VPS53: variants seen among roughly 807,000 people sequenced by gnomAD.
The protein encoded by VPS53 is vacuolar protein sorting-associated protein 53 homolog.
VPS53 carries 70 observed loss-of-function variants against 107.0 expected under a neutral mutation model. That is an observed-to-expected ratio of 0.65 (90% CI 0.54 to 0.80). The LOEUF (loss-of-function observed/expected upper bound fraction) is 0.80, where lower values mean the gene tolerates loss of function less well. Among genes scored for constraint, VPS53 ranks in the 30% least tolerant of loss-of-function variants. The pLI is 0.00. For missense variants in VPS53, 917 were observed against 1,049.4 expected, an observed-to-expected ratio of 0.87 and a Z score of 1.74; for synonymous variants, 409 against 393.3, an observed-to-expected ratio of 1.04 and a Z score of -0.47.
At chr17:604,515 T>G (rs187588688) in intron 11 of VPS53, among the ~76,000 whole-genome samples, 1 of 152,196 alleles carries the variant, frequency 6.6e-6, no homozygotes, top group Non-Finnish European at 1.5e-5. Flanking sequence ...CACAGGCCAC[T>G]CGCTCAGTGT....
intron 7 of VPS53, among the ~76,000 whole-genome samples, chr17:647,725 G>T (rs904860159): frequency 6.6e-6 from 1 of 152,128 alleles, no homozygotes; most frequent in African/African-American, 2.4e-5. Flanking sequence ...TGCCAAGCTC[G>T]GCAAGATGCA....
intron 12 of VPS53, among the ~76,000 whole-genome samples, chr17:590,101 T>C (rs12951560): frequency 0.19 from 28,180 of 152,062 alleles, 2,918 homozygotes; most frequent in Admixed American, 0.3. Flanking sequence ...ACATCCCTTG[T>C]AAGTTGGATT....
intron 10 of VPS53, among the ~76,000 whole-genome samples, chr17:624,054 C>T (rs1969585070): frequency 6.7e-6 from 1 of 150,188 alleles, no homozygotes; most frequent in African/African-American, 2.5e-5. Context: ...GATAGTGTTT[C>T]ACCATGTTGG....
intron 19 of VPS53, among the ~76,000 whole-genome samples, chr17:526,846 T>C (rs1909157697): frequency 6.6e-6 from 1 of 152,128 alleles, no homozygotes; most frequent in South Asian, 2.1e-4. Flanking sequence ...ATGATGACTA[T>C]CAACAGTGAT....
intron 15 of VPS53, among the ~76,000 whole-genome samples, chr17:556,094 C>T (rs9894847): frequency 0.84 from 127,436 of 152,084 alleles, 53,730 homozygotes; most frequent in African/African-American, 0.92. Context: ...CTGAGCAACA[C>T]AGTGAGACCC....
chr17:633,215 G>C (rs1439082891), intron 7 of VPS53, among the ~76,000 whole-genome samples: 2 of 152,104 alleles, frequency 1.3e-5, no homozygotes, highest in African/African-American at 4.8e-5. Context: ...TCCCGCAATC[G>C]ATCACGCCCC....
At position 687,431 on chromosome 17, in the gene VPS53, C is replaced by T. The variant is rs568434240; in HGVS notation, c.285+9987G>A. Among the ~76,000 whole-genome samples the T allele has an allele frequency of 4.2e-4, 64 of 152,190 alleles. 1 individual carries two copies. Among genetic ancestry groups the T allele is most frequent in the Middle Eastern group, 3.4e-3 (1 of 294 alleles). ...TCTCCACTAAAATACAGAAAATTAG[C>T]CGGGCGTGGTGGCACATGCCTGTAG... On this transcript the variant is annotated intron_variant, in intron 4 of 21. Transcript: ENST00000437048.
At chr17:535,297 G>C (rs866917068) in intron 18 of VPS53, among the ~76,000 whole-genome samples, 2 of 152,240 alleles carry the variant, frequency 1.3e-5, no homozygotes, top group African/African-American at 4.8e-5. Flanking sequence ...GAGAATGTGA[G>C]GCTGATGCTG....
chr17:634,914 A>C (rs199818294), intron 7 of VPS53, among the ~76,000 whole-genome samples: 49,913 of 147,892 alleles, frequency 0.34, 10,175 homozygotes, highest in Non-Finnish European at 0.46. Flanking sequence ...TATACCCAGT[A>C]ATGGGGTGGC....
chr17:654,428 C>T (rs1971089371), intron 6 of VPS53, among the ~76,000 whole-genome samples: 1 of 151,926 alleles, frequency 6.6e-6, no homozygotes, highest in Non-Finnish European at 1.5e-5. Context: ...TTATGATTTT[C>T]CATAAGAAGC....
Position 521,590 on chromosome 17 carries a change from C to T in VPS53, c.2223+11G>A, listed in dbSNP as rs978550979. 1 of 1,518,736 alleles carries T rather than the reference C, an allele frequency of 6.6e-7. No individual in the cohort carries two copies. The highest frequency in any genetic ancestry group is 2.5e-5 in the East Asian group (1 of 40,012). 94.1% of individuals were successfully genotyped at this position (1,518,736 alleles called of 1,614,324 possible). A position where few individuals can be genotyped will look rare whatever the true frequency, so the allele number is the denominator to read the frequency against. The stretch of plus-strand genomic sequence containing the variant: ...AATAAATAACTGGCCCCTTTTAACA[C>T]AAGCCATCACCTTGAGGATCATCTC... On this transcript the variant is annotated intron_variant, in intron 20 of 21. Coordinates refer to ENST00000437048, the MANE Select transcript of VPS53 (RefSeq NM_001128159.3).
Position 529,212 on chromosome 17 carries a change from A to T in VPS53, c.2085+3630T>A, listed in dbSNP as rs553113317. ...TGTGTGGGTCTATCCCTCAGCTCAG[A>T]TCTGTTCTGTTGGCCTCTTTGTCCC... On this transcript the variant is annotated intron_variant, in intron 19 of 21. Coordinates refer to ENST00000437048, the MANE Select transcript of VPS53 (RefSeq NM_001128159.3). Among the ~76,000 whole-genome samples, 53 of 152,234 alleles carry T rather than the reference A, an allele frequency of 3.5e-4. No homozygotes were observed. In the East Asian group the frequency reaches 9.8e-3, roughly 28 times the overall value.
chr17:658,218 T>C (rs5015088), intron 5 of VPS53, among the ~76,000 whole-genome samples: 72,992 of 90,700 alleles, frequency 0.8, 28,669 homozygotes, highest in African/African-American at 0.84. Flanking sequence ...ATACATCCCA[T>C]TGAAGTGAGA....
At chr17:628,748 A>T (rs1969821323) in intron 8 of VPS53, among the ~76,000 whole-genome samples, 2 of 152,198 alleles carry the variant, frequency 1.3e-5, no homozygotes, top group African/African-American at 4.8e-5. Context: ...ACATAAAACC[A>T]GGTTCCAAGC....
intron 13 of VPS53, among the ~76,000 whole-genome samples, chr17:569,735 A>G (rs562105463): frequency 2.6e-5 from 4 of 152,164 alleles, no homozygotes; most frequent in Admixed American, 2.6e-4. Context: ...CCTGGCCAAC[A>G]TGGTGAAACC....
chr17:647,148 G>A (rs564788421), intron 7 of VPS53, among the ~76,000 whole-genome samples: 56 of 152,196 alleles, frequency 3.7e-4, no homozygotes, highest in Non-Finnish European at 6.2e-4. Flanking sequence ...TTACTGTCAC[G>A]TTGGTAAGAT....
intron 7 of VPS53, among the ~76,000 whole-genome samples, chr17:635,995 C>T (rs1442298553): frequency 1.3e-5 from 2 of 152,124 alleles, no homozygotes; most frequent in Admixed American, 6.6e-5. Context: ...GGCAGTATGG[C>T]CATTTTCACG....
intron 12 of VPS53, among the ~76,000 whole-genome samples, chr17:593,747 G>A (rs1173028832): frequency 6.6e-6 from 1 of 152,218 alleles, no homozygotes; most frequent in Non-Finnish European, 1.5e-5. Flanking sequence ...GGAAGTCAGT[G>A]TGGCGATTCC....
intron 5 of VPS53, among the ~76,000 whole-genome samples, chr17:658,377 G>A (rs57564495): frequency 1.5e-3 from 201 of 135,494 alleles, no homozygotes; most frequent in African/African-American, 5.0e-3. Context: ...AAACTCGGCC[G>A]TGAGTTCGTG....
Sources: gnomAD v4.1 joint callset for allele counts (sites outside exome capture counted in the v4.1 genomes callset) on GRCh38, gnomAD v4.1.1 for gene constraint, MANE v1.5 for transcripts, NCBI Gene and HGNC (gene_info 2026-07-23, HGNC 2026-07-21) for gene names.